The following MBL2 variants were observed in gnomAD, a reference collection of about 807,000 sequenced individuals.
MBL2 encodes mannose binding lectin 2, also known as mannose-binding protein C.
A neutral mutation model predicts 12.7 loss-of-function variants in MBL2; 6 were observed. That is an observed-to-expected ratio of 0.47 (90% CI 0.26 to 0.94). The LOEUF (loss-of-function observed/expected upper bound fraction) is 0.94, where lower values mean the gene tolerates loss of function less well. MBL2 is among the 40% of genes least tolerant of loss of function. The pLI is 0.15. For synonymous variants in MBL2, 114 were observed against 112.0 expected (o/e 1.02, Z -0.11); for missense variants, 307 against 295.2 (o/e 1.04, Z -0.29).
chr10:52,770,182 G>T (rs1840369693), intron 3 of MBL2, among the ~76,000 whole-genome samples: 1 of 152,236 alleles, frequency 6.6e-6, no homozygotes, highest in African/African-American at 2.4e-5. Context: ...CCACAGACAT[G>T]TGGGTAAGCC....
Position 52,771,739 on chromosome 10 carries a change from A to G in MBL2, c.-9-95T>C, listed in dbSNP as rs72661131. 367 of 1,462,400 alleles carry G rather than the reference A, an allele frequency of 2.5e-4. 1 individual carries two copies. In the Admixed American group the frequency reaches 6.8e-3, roughly 27 times the overall value. The allele number at this position is 1,462,400 out of a possible 1,614,324, so 90.6% of individuals were successfully genotyped here. A position where few individuals can be genotyped will look rare whatever the true frequency, so the allele number is the denominator to read the frequency against. Reference sequence around the variant, plus strand: ...GTCCTACAATCTGGGTGCAGGCTATATAGAAATAGATGACCCATCCCTGGC... The same window carrying G: ...GTCCTACAATCTGGGTGCAGGCTATGTAGAAATAGATGACCCATCCCTGGC... On this transcript the variant is annotated intron_variant, in intron 1 of 4. Coordinates refer to ENST00000674931, the MANE Select transcript of MBL2 (RefSeq NM_001378373.1).
chr10:52,769,319 G>T lies in MBL2; in HGVS notation c.305-4C>A. 1 of 1,601,144 alleles carries T rather than the reference G, an allele frequency of 6.2e-7. No individual in the cohort carries two copies. The highest frequency in any genetic ancestry group is 1.1e-5 in the South Asian group (1 of 90,264). ...GCAGCCAGGCTACTATCACCATCTA[G>T]AAAATTAGAACAAAGTAAAGAAGCA... On this transcript the variant is annotated splice_polypyrimidine_tract_variant and splice_region_variant and intron_variant, in intron 3 of 4. Transcript: ENST00000674931.
chr10:52,771,442 C>T lies in MBL2; in HGVS notation c.187+7G>A. The T allele has an allele frequency of 2.5e-6, 4 of 1,613,454 alleles. No individual in the cohort carries two copies. The highest frequency in any genetic ancestry group is 3.3e-5 in the Admixed American group (2 of 60,018). On this transcript the variant is annotated splice_region_variant and intron_variant, in intron 2 of 4. Transcript: ENST00000674931. The stretch of plus-strand genomic sequence containing the variant: ...GAATTGCAGAGACAGAACAGCCCAA[C>T]ACGTACCTGGTTCCCCCTTTTCTCC...
rs1456884089 is a variant in MBL2, at chr10:52,767,737, AG to A, written c.*399del. 2.6e-5 allele frequency: 4 copies of A among 155,624 alleles called. No individual in the cohort carries two copies. In the East Asian group the frequency reaches 7.5e-4, roughly 29 times the overall value. The allele number at this position is 155,624 out of a possible 1,614,324, so 9.6% of individuals were successfully genotyped here. A position where few individuals can be genotyped will look rare whatever the true frequency, so the allele number is the denominator to read the frequency against. On this transcript the variant is annotated 3_prime_UTR_variant, in exon 5 of 5. Coordinates refer to ENST00000674931, the MANE Select transcript of MBL2 (RefSeq NM_001378373.1). ...GGTATTAAACTGTGGTGATGTCATT[AG>A]GGGAGCCCTCTACCCAAACAGAAAG...
chr10:52,771,326 C>T, intron 2 of MBL2, 123 bp downstream of exon 2: 1 of 1,086,408 alleles, frequency 9.2e-7, no homozygotes, highest in Non-Finnish European at 1.3e-6. Flanking sequence ...AGCTGAATCT[C>T]TGTTTTGAGT....
In MBL2 at chr10:52,768,020, G is replaced by A. The variant is rs1436389177; in HGVS notation, c.*117C>T. 2.3e-6 allele frequency: 3 copies of A among 1,292,858 alleles called. No homozygotes were observed. The highest frequency in any genetic ancestry group is 2.1e-6 in the Non-Finnish European group (2 of 953,992). The allele number at this position is 1,292,858 out of a possible 1,614,324, so 80.1% of individuals were successfully genotyped here. A position where few individuals can be genotyped will look rare whatever the true frequency, so the allele number is the denominator to read the frequency against. On this transcript the variant is annotated 3_prime_UTR_variant, in exon 5 of 5. Transcript: ENST00000674931. ...CTGTTAGTGATCATTTTTAGTGATT[G>A]CCCACAAAAGGAACAATACTGGATA...
Position 52,770,660 on chromosome 10 carries a change from G to A in MBL2, c.304+10C>T. The A allele has an allele frequency of 1.4e-6, 2 of 1,434,054 alleles. No individual in the cohort carries two copies. Among genetic ancestry groups the A allele is most frequent in the Non-Finnish European group, 9.3e-7 (1 of 1,079,994 alleles). 88.8% of individuals were successfully genotyped at this position (1,434,054 alleles called of 1,614,324 possible). On this transcript the variant is annotated intron_variant, in intron 3 of 4. Coordinates refer to ENST00000674931, the MANE Select transcript of MBL2 (RefSeq NM_001378373.1). The stretch of plus-strand genomic sequence containing the variant: ...GGTGAAGTCAGCTCAGACCTTGCTG[G>A]GGTCCTTACCCGGACTTTTTCCAGG...
intron 4 of MBL2, among the ~76,000 whole-genome samples, chr10:52,768,915 A>AC (rs1394433706): frequency 6.6e-6 from 1 of 151,970 alleles, no homozygotes; most frequent in Non-Finnish European, 1.5e-5. Context: ...GGCAGGTTAG[A>AC]CCCCACGGCC....
In MBL2 at chr10:52,765,977, G is replaced by T. The variant is rs1036189799; in HGVS notation, c.*2160C>A. ...AACTGTATTTCTGTGTACAACAATA[G>T]AAAAGAAAAAATATTTAAAATATAT... On this transcript the variant is annotated 3_prime_UTR_variant, in exon 5 of 5. Transcript: ENST00000674931. The T allele has an allele frequency of 5.3e-5, 8 of 151,656 alleles. No homozygotes were observed. The highest frequency in any genetic ancestry group is 3.3e-4 in the Admixed American group (5 of 15,240). 9.4% of individuals were successfully genotyped at this position (151,656 alleles called of 1,614,324 possible).
rs149418552 is a variant in MBL2, at chr10:52,770,488, A to T, written c.304+182T>A. The stretch of plus-strand genomic sequence containing the variant: ...TGTCTTGAAAAGTTTGTAAGTCTGT[A>T]CTCAGGCACTTATAGGAATTCCCTA... On this transcript the variant is annotated intron_variant, in intron 3 of 4. Coordinates refer to ENST00000674931, the MANE Select transcript of MBL2 (RefSeq NM_001378373.1). Among the ~76,000 whole-genome samples the T allele has an allele frequency of 1.6e-3, 251 of 152,310 alleles. 1 individual carries two copies. The highest frequency in any genetic ancestry group is 5.8e-3 in the African/African-American group (241 of 41,578).
rs759555588 is a variant in MBL2, at chr10:52,771,528, A to C, written c.108T>G (p.Ile36Met). The change falls in exon 2 of 5, where the codon ATT becomes ATG. Residue 36 changes from isoleucine (I) to methionine (M), a missense_variant. Transcript: ENST00000674931. Reference protein sequence around the residue: ...EDAQKTCPAVIACSSPGINGF... With the variant: ...EDAQKTCPAVMACSSPGINGF... ...CGTTGATGCCTGGAGAGCTACAGGC[A>C]ATCACTGCAGGGCAGGTCTTTTGGG... 8.1e-6 allele frequency: 13 copies of C among 1,613,846 alleles called. No individual in the cohort carries two copies. Among genetic ancestry groups the C allele is most frequent in the African/African-American group, 1.3e-5 (1 of 74,932 alleles).
intron 4 of MBL2, 58 bp downstream of exon 4, chr10:52,769,189 G>T: frequency 8.6e-7 from 1 of 1,157,252 alleles, no homozygotes; most frequent in Admixed American, 2.0e-5. Flanking sequence ...ACAAATATTT[G>T]TTGCATTCTA....
Position 52,770,687 on chromosome 10 carries a change from T to C in MBL2, c.287A>G (p.Asp96Gly). 1 of 1,490,114 alleles carries C rather than the reference T, an allele frequency of 6.7e-7. No homozygotes were observed. The highest frequency in any genetic ancestry group is 9.0e-7 in the Non-Finnish European group (1 of 1,112,420). The allele number at this position is 1,490,114 out of a possible 1,614,324, so 92.3% of individuals were successfully genotyped here. A position where few individuals can be genotyped will look rare whatever the true frequency, so the allele number is the denominator to read the frequency against. ...GTCCTTACCCGGACTTTTTCCAGGGTCTCCTTTTTGGCCCTTTGGTCCTGG... is the reference window on the plus strand; with the variant it reads ...GTCCTTACCCGGACTTTTTCCAGGGCCTCCTTTTTGGCCCTTTGGTCCTGG... The part of the protein sequence containing the change: ...GSPGPKGQKG[D>G]PGKSPDGDSS... The change falls in exon 3 of 5, where the codon GAC (aspartate) becomes GGC (glycine). Residue 96 changes from aspartate to glycine, a missense_variant. Physicochemically the swap from Asp to Gly is moderately conservative, Grantham distance 94. Coordinates refer to ENST00000674931, the MANE Select transcript of MBL2 (RefSeq NM_001378373.1).
At position 52,768,292 on chromosome 10, in the gene MBL2, G is replaced by A. The variant is rs530327715; in HGVS notation, c.592C>T (p.Leu198=). ...DEKTEGQFVD[L]TGNRLTYTNW... ...GTGTAGGTCAGTCTATTTCCTGTCA[G>A]ATCCACAAACTGCCCTTCTGTCTTC... The change falls in exon 5 of 5, where the codon CTG becomes TTG. Residue 198 remains leucine, a synonymous_variant. Coordinates refer to ENST00000674931, the MANE Select transcript of MBL2 (RefSeq NM_001378373.1). The A allele has an allele frequency of 6.8e-6, 11 of 1,613,770 alleles. No homozygotes were observed. Among genetic ancestry groups the A allele is most frequent in the Admixed American group, 5.0e-5 (3 of 59,974 alleles).
In MBL2 at chr10:52,770,867, T is replaced by C. The variant is rs1018844248; in HGVS notation, c.188-81A>G. 6.7e-6 allele frequency: 5 copies of C among 749,584 alleles called. No homozygotes were observed. In the East Asian group the frequency reaches 1.5e-4, roughly 22 times the overall value. 46.4% of individuals were successfully genotyped at this position (749,584 alleles called of 1,614,324 possible). A position where few individuals can be genotyped will look rare whatever the true frequency, so the allele number is the denominator to read the frequency against. ...CAAGAGTTTGATGCCCAATCCCTTC[T>C]CAGGAGAAAGGAGACCTTGACCCAG... is the stretch of plus-strand genomic sequence containing the variant. On this transcript the variant is annotated intron_variant, in intron 2 of 4. Transcript: ENST00000674931.
At chr10:52,769,430 G>T in intron 3 of MBL2, 115 bp from the exon 4 acceptor site, 1 of 626,176 alleles carries the variant, frequency 1.6e-6, no homozygotes, top group East Asian at 2.7e-5. Context: ...ATTTTACATT[G>T]ATGTTTACAC....
At chr10:52,771,367 T>G (rs1840389125) in intron 2 of MBL2, 82 bp downstream of exon 2, 9 of 1,452,598 alleles carry the variant, frequency 6.2e-6, no homozygotes, top group Non-Finnish European at 8.5e-6. Flanking sequence ...TATACTCAAA[T>G]AGGACATCAG....
rs1205180347 is a variant in MBL2, at chr10:52,765,569, T to TCATCCC, written c.*2562_*2567dup. On this transcript the variant is annotated 3_prime_UTR_variant, in exon 5 of 5. Transcript: ENST00000674931. ...ACTTTAAAGGTGTTAACTTATTTCA[T>TCATCCC]CATCCCCACAATTTTCATGAAATAA... is the stretch of plus-strand genomic sequence containing the variant. The TCATCCC allele has an allele frequency of 4.6e-5, 7 of 152,206 alleles. No individual in the cohort carries two copies. Among genetic ancestry groups the TCATCCC allele is most frequent in the African/African-American group, 1.4e-4 (6 of 41,460 alleles). The allele number at this position is 152,206 out of a possible 1,614,324, so 9.4% of individuals were successfully genotyped here.
At position 52,765,573 on chromosome 10, in the gene MBL2, C is replaced by T. The variant is rs1840293944; in HGVS notation, c.*2564G>A. On this transcript the variant is annotated 3_prime_UTR_variant, in exon 5 of 5. Transcript: ENST00000674931. ...TAAAGGTGTTAACTTATTTCATCAT[C>T]CCCACAATTTTCATGAAATAAGAAT... 6.6e-6 allele frequency: 1 copy of T among 152,116 alleles called. No homozygotes were observed. Among genetic ancestry groups the T allele is most frequent in the South Asian group, 2.1e-4 (1 of 4,824 alleles). The allele number at this position is 152,116 out of a possible 1,614,324, so 9.4% of individuals were successfully genotyped here. A position where few individuals can be genotyped will look rare whatever the true frequency, so the allele number is the denominator to read the frequency against.
Sources: allele counts gnomAD v4.1 joint callset (sites outside exome capture counted in the v4.1 genomes callset), GRCh38; gene constraint gnomAD v4.1.1; transcripts MANE v1.5; gene names NCBI Gene and HGNC (gene_info 2026-07-23, HGNC 2026-07-21).